Variants in DOCK1 observed in about 807,000 individuals in gnomAD.
The protein encoded by DOCK1 is dedicator of cytokinesis protein 1.
In DOCK1, 138 loss-of-function variants were observed where a neutral mutation model predicts 262.7. The observed-to-expected ratio is 0.53, with a 90% CI of 0.46 to 0.61. The LOEUF is 0.61. Among genes scored for constraint, DOCK1 ranks in the 20% least tolerant of loss-of-function variants. The pLI, the probability that DOCK1 is intolerant of heterozygous loss-of-function variation, is 0.00. For synonymous variants in DOCK1, 866 were observed against 867.4 expected, an observed-to-expected ratio of 1.00 and a Z score of 0.03; for missense variants, 1,908 against 2,370.7, an observed-to-expected ratio of 0.80 and a Z score of 4.05.
In DOCK1 at chr10:127,026,612, A is replaced by T. The variant is rs530695789; in HGVS notation, c.1624+188A>T. 2.2e-5 allele frequency: 14 copies of T among 623,280 alleles called. No homozygotes were observed. The South Asian group carries it at 2.7e-4, about 12-fold the overall frequency. 38.6% of individuals were successfully genotyped at this position (623,280 alleles called of 1,614,324 possible). A position where few individuals can be genotyped will look rare whatever the true frequency, so the allele number is the denominator to read the frequency against. On this transcript the variant is annotated intron_variant, in intron 16 of 51. Transcript: ENST00000623213. ...GAGCAGATCTCAGGAGGAGATCTTA[A>T]TTTCCTTCTCCAGTTCCTCCTACCC...
rs764230657 is a variant in DOCK1, at chr10:127,419,731, G to A, written c.4758G>A (p.Lys1586=). The change falls in exon 46 of 52, where the codon AAG becomes AAA. Residue 1586 remains lysine (K), a synonymous_variant. Transcript: ENST00000623213. ...CCCATGAAAAGATCGAGAAGCTCAA[G>A]GACCTGATTGCTTGGCAGGTAAAGT... The part of the protein sequence containing the change: ...PEAHEKIEKL[K]DLIAWQIPFL... 1.7e-5 allele frequency: 27 copies of A among 1,600,064 alleles called. No homozygotes were observed. The highest frequency in any genetic ancestry group is 1.5e-4 in the Admixed American group (9 of 58,502).
chr10:127,404,608 G>A (rs2067410894), intron 40 of DOCK1, among the ~76,000 whole-genome samples, 179 bp downstream of exon 40: 1 of 152,168 alleles, frequency 6.6e-6, no homozygotes, highest in African/African-American at 2.4e-5. Context: ...TTATTTGGTT[G>A]CATATAACCT....
intron 24 of DOCK1, among the ~76,000 whole-genome samples, chr10:127,106,549 A>G (rs1300651437): frequency 6.6e-6 from 1 of 152,186 alleles, no homozygotes; most frequent in Non-Finnish European, 1.5e-5. Context: ...TAATTGGTAT[A>G]TAATGTCCAT....
At chr10:127,321,376 C>T (rs2766042) in intron 29 of DOCK1, among the ~76,000 whole-genome samples, 86,606 of 132,710 alleles carry the variant, frequency 0.65, 28,141 homozygotes, top group African/African-American at 0.79. Flanking sequence ...TTTTTTTTTT[C>T]TTCTGCCCGG....
chr10:127,381,404 T>A, intron 37 of DOCK1, 36 bp downstream of exon 37: 1 of 1,563,278 alleles, frequency 6.4e-7, no homozygotes, highest in South Asian at 1.2e-5. Flanking sequence ...ATGATTCTAT[T>A]GTTATAAATT....
At chr10:127,426,224 A>G (rs1211915679) in intron 47 of DOCK1, among the ~76,000 whole-genome samples, 1 of 152,176 alleles carries the variant, frequency 6.6e-6, no homozygotes, top group Non-Finnish European at 1.5e-5. Context: ...AGGGCGAATA[A>G]ACATTCATGA....
At chr10:126,923,939 C>G (rs919313172) in intron 1 of DOCK1, among the ~76,000 whole-genome samples, 3 of 152,222 alleles carry the variant, frequency 2.0e-5, no homozygotes, top group African/African-American at 7.2e-5. Context: ...CCAAATCCAC[C>G]TGCCCCTCAG....
At chr10:126,938,977 G>A (rs1477295809) in intron 1 of DOCK1, among the ~76,000 whole-genome samples, 1 of 75,848 alleles carries the variant, frequency 1.3e-5, no homozygotes. Flanking sequence ...GACAAACACC[G>A]GGGGGGATGA....
intron 47 of DOCK1, 31 bp downstream of exon 47, chr10:127,426,042 A>G (rs2068792364): frequency 6.2e-7 from 1 of 1,612,070 alleles, no homozygotes; most frequent in African/African-American, 1.3e-5. Flanking sequence ...GTGTTGCAGA[A>G]GAGTGGGTGT....
intron 29 of DOCK1, among the ~76,000 whole-genome samples, chr10:127,284,406 T>C (rs1321504175): frequency 6.6e-6 from 1 of 152,264 alleles, no homozygotes; most frequent in Non-Finnish European, 1.5e-5. Flanking sequence ...TATTATTTTA[T>C]ATTAAACTTT....
intron 27 of DOCK1, among the ~76,000 whole-genome samples, chr10:127,148,359 G>T (rs964870063): frequency 3.3e-5 from 5 of 152,230 alleles, no homozygotes; most frequent in Admixed American, 6.5e-5. Flanking sequence ...CACTTGACGA[G>T]AAGATTCTAA....
intron 22 of DOCK1, among the ~76,000 whole-genome samples, chr10:127,055,353 G>C (rs1192675791): frequency 6.6e-6 from 1 of 152,186 alleles, no homozygotes; most frequent in Non-Finnish European, 1.5e-5. Context: ...TGCATTCCAG[G>C]TGGAGGAGAG....
At chr10:126,954,118 A>G (rs2036547227) in intron 1 of DOCK1, among the ~76,000 whole-genome samples, 1 of 152,228 alleles carries the variant, frequency 6.6e-6, no homozygotes, top group Non-Finnish European at 1.5e-5. Context: ...AGTATTTCTC[A>G]TCTCTTGCTA....
chr10:127,088,876 C>T (rs1020071529), intron 23 of DOCK1, among the ~76,000 whole-genome samples: 6 of 152,256 alleles, frequency 3.9e-5, no homozygotes, highest in South Asian at 2.1e-4. Context: ...AGGAGTTCAG[C>T]ACCCCTCAGA....
At chr10:127,339,733 G>GTGTGTGTGTGTGTGTGCATGCA (rs71032552) in intron 30 of DOCK1, among the ~76,000 whole-genome samples, 2 of 109,230 alleles carry the variant, frequency 1.8e-5, no homozygotes, top group African/African-American at 3.4e-5. Flanking sequence ...GTGTGTGTGT[G>GTGTGTGTGTGTGTGTGCATGCA]TGCATGCTGT....
chr10:127,343,963 A>G (rs1485234269), intron 31 of DOCK1, among the ~76,000 whole-genome samples: 2 of 152,226 alleles, frequency 1.3e-5, no homozygotes, highest in African/African-American at 2.4e-5. Flanking sequence ...AGGTCAGTGT[A>G]ATCCAAGACT....
At chr10:127,011,552 C>T (rs1281517787) in intron 11 of DOCK1, among the ~76,000 whole-genome samples, 1 of 152,180 alleles carries the variant, frequency 6.6e-6, no homozygotes, top group Non-Finnish European at 1.5e-5. Context: ...GGCATATGCC[C>T]CCCGTTTGTA....
chr10:127,404,841 C>G (rs2067425843), intron 40 of DOCK1, among the ~76,000 whole-genome samples: 1 of 152,156 alleles, frequency 6.6e-6, no homozygotes, highest in Non-Finnish European at 1.5e-5. Flanking sequence ...CCATTAAACA[C>G]GAACTCCCCA....
intron 29 of DOCK1, among the ~76,000 whole-genome samples, chr10:127,293,569 A>ATGCT (rs1444991254): frequency 3.9e-5 from 6 of 152,110 alleles, no homozygotes; most frequent in South Asian, 2.1e-4. Context: ...TGACCAAAGC[A>ATGCT]TGCTTCCCCC....
Sources: allele counts gnomAD v4.1 joint callset (sites outside exome capture counted in the v4.1 genomes callset), GRCh38; gene constraint gnomAD v4.1.1; transcripts MANE v1.5; gene names NCBI Gene and HGNC (gene_info 2026-07-23, HGNC 2026-07-21).